VPS13A: variants seen among roughly 807,000 people sequenced by gnomAD.
VPS13A encodes the protein vacuolar protein sorting 13 homolog A.
Under a neutral mutation model 390.9 loss-of-function variants are expected in VPS13A, and 264 were observed. The ratio of observed to expected loss-of-function variants is 0.68; its 90% confidence interval spans 0.61 to 0.75. The LOEUF (loss-of-function observed/expected upper bound fraction) is 0.75, where lower values mean the gene tolerates loss of function less well. Among genes scored for constraint, VPS13A ranks in the 30% least tolerant of loss-of-function variants. The probability of loss-of-function intolerance (pLI) is 0.00; values close to 1 mark genes in which losing one functional copy is unlikely to be tolerated. For synonymous variants in VPS13A, 1,231 were observed against 1,227.1 expected, an observed-to-expected ratio of 1.00 and a Z score of -0.07; for missense variants, 3,409 against 3,733.9, an observed-to-expected ratio of 0.91 and a Z score of 2.27.
chr9:77,249,423 A>G (rs1825025304), intron 20 of VPS13A, among the ~76,000 whole-genome samples: 1 of 152,200 alleles, frequency 6.6e-6, no homozygotes, highest in Admixed American at 6.5e-5. Flanking sequence ...TTAACCTGTT[A>G]CCTAAAATTT....
At chr9:77,244,072 T>C (rs534669816) in intron 19 of VPS13A, among the ~76,000 whole-genome samples, 12 of 152,174 alleles carry the variant, frequency 7.9e-5, no homozygotes, top group Middle Eastern at 3.4e-3. Context: ...ACCTTGTCTC[T>C]ACAAAAAATT....
intron 23 of VPS13A, among the ~76,000 whole-genome samples, chr9:77,263,551 A>C (rs1199500053): frequency 1.3e-5 from 2 of 151,956 alleles, no homozygotes; most frequent in Non-Finnish European, 2.9e-5. Context: ...TTCTTTTGAG[A>C]AGTGTCTGTT....
chr9:77,291,559 C>G (rs1156938061), intron 31 of VPS13A, among the ~76,000 whole-genome samples: 1 of 152,066 alleles, frequency 6.6e-6, no homozygotes, highest in Admixed American at 6.6e-5. Context: ...TTTAGTTGTA[C>G]CTTGTGCTTA....
intron 71 of VPS13A, among the ~76,000 whole-genome samples, chr9:77,410,358 CCATCAAGGCTAGGAAGAAACTG>C (rs1460266883): frequency 6.6e-6 from 1 of 151,596 alleles, no homozygotes; most frequent in African/African-American, 2.4e-5. Context: ...ATTGTAAAGA[CCATCAAGGCTAGGAAGAAACTG>C]CATCAACTAA....
intron 1 of VPS13A, among the ~76,000 whole-genome samples, chr9:77,191,539 T>TC (rs1314732801): frequency 1.3e-5 from 2 of 151,946 alleles, no homozygotes; most frequent in African/African-American, 4.8e-5. Context: ...GCTCAAGTGA[T>TC]CCCCCCACCT....
In VPS13A at chr9:77,340,277, T is replaced by C. The variant is rs531375498; in HGVS notation, c.6874T>C (p.Tyr2292His). 2 of 1,612,920 alleles carry C rather than the reference T, an allele frequency of 1.2e-6. No homozygotes were observed. Among genetic ancestry groups the C allele is most frequent in the Non-Finnish European group, 1.7e-6 (2 of 1,179,324 alleles). The stretch of plus-strand genomic sequence containing the variant: ...TAAATGTAAAGGCCTGAAAATGGAC[T>C]ATCAAGTGAGTTCATTCTATGCTTA... ...AVKCKGLKMDYQVGVTIDLSS... is the reference protein window; with the variant it reads ...AVKCKGLKMDHQVGVTIDLSS... Residue 2292 changes from tyrosine (Y) to histidine (H), a missense_variant, in exon 49 of 72, where the codon TAT becomes CAT. By Grantham distance (83) the Tyr-to-His change is moderately conservative (BLOSUM62 2). Transcript: ENST00000360280.
intron 59 of VPS13A, among the ~76,000 whole-genome samples, chr9:77,362,863 T>C (rs1458232597): frequency 1.3e-5 from 2 of 152,194 alleles, no homozygotes; most frequent in Admixed American, 1.3e-4. Flanking sequence ...TATTATATTC[T>C]TCTTATAGTA....
At chr9:77,268,799 G>A (rs969575872) in intron 23 of VPS13A, among the ~76,000 whole-genome samples, 8 of 152,066 alleles carry the variant, frequency 5.3e-5, no homozygotes, top group Non-Finnish European at 1.2e-4. Flanking sequence ...AATTAGCCAG[G>A]CATGGTGGTG....
chr9:77,400,555 C>T (rs57520031), intron 68 of VPS13A, among the ~76,000 whole-genome samples: 2 of 151,634 alleles, frequency 1.3e-5, no homozygotes, highest in South Asian at 2.1e-4. Context: ...GGGCCGGGCG[C>T]GGTGGCTCAT....
chr9:77,334,963 T>C (rs1830465322), intron 46 of VPS13A, among the ~76,000 whole-genome samples: 1 of 152,148 alleles, frequency 6.6e-6, no homozygotes, highest in South Asian at 2.1e-4. Flanking sequence ...AAAAAGGACA[T>C]GCAGAAAAGT....
Position 77,358,432 on chromosome 9 carries a change from G to A in VPS13A, c.8029G>A (p.Asp2677Asn), listed in dbSNP as rs1234840531. ...PVKPPKSVTMDSAPKPFTDVS... is the reference protein window; with the variant it reads ...PVKPPKSVTMNSAPKPFTDVS... ...TAAACCTCCAAAGTCGGTCACCATG[G>A]ATTCAGGTTTGTTTTTATTTTTAGA... The change falls in exon 57 of 72, where the codon GAT (aspartate) becomes AAT (asparagine). Residue 2677 changes from aspartate to asparagine, a missense_variant. Asp to Asn is a conservative substitution (Grantham distance 23). This residue lies in a region of VPS13A where 221 missense variants were observed against 300.7 expected (regional missense o/e 0.73). Transcript: ENST00000360280. 2 of 1,612,304 alleles carry A rather than the reference G, an allele frequency of 1.2e-6. No homozygotes were observed. Among genetic ancestry groups the A allele is most frequent in the African/African-American group, 1.3e-5 (1 of 74,838 alleles).
chr9:77,260,614 C>T (rs1039121109), intron 23 of VPS13A, among the ~76,000 whole-genome samples: 1 of 152,028 alleles, frequency 6.6e-6, no homozygotes, highest in African/African-American at 2.4e-5. Flanking sequence ...CTCGGCCTCC[C>T]AAAGTGCTGG....
At chr9:77,258,703 T>C (rs73466054) in intron 22 of VPS13A, among the ~76,000 whole-genome samples, 1,940 of 152,218 alleles carry the variant, frequency 0.013, 44 homozygotes, top group African/African-American at 0.044. Flanking sequence ...CCAAATTATG[T>C]CTGCTGCTTG....
At chr9:77,391,090 T>A (rs1200775853) in intron 68 of VPS13A, among the ~76,000 whole-genome samples, 3 of 150,282 alleles carry the variant, frequency 2.0e-5, no homozygotes, top group Admixed American at 1.3e-4. Flanking sequence ...GCAGTAAGTA[T>A]TAGCTAGAAG....
chr9:77,334,228 A>G (rs1469832832), intron 46 of VPS13A, among the ~76,000 whole-genome samples: 1 of 152,170 alleles, frequency 6.6e-6, no homozygotes, highest in Non-Finnish European at 1.5e-5. Flanking sequence ...GGAAGATAAA[A>G]TTTGAAAGAT....
At chr9:77,222,494 T>C (rs548419770) in intron 13 of VPS13A, among the ~76,000 whole-genome samples, 1 of 152,312 alleles carries the variant, frequency 6.6e-6, no homozygotes, top group Non-Finnish European at 1.5e-5. Context: ...TAAGTGTATC[T>C]GGGTCTACTT....
At chr9:77,299,046 T>C (rs1430234931) in intron 33 of VPS13A, among the ~76,000 whole-genome samples, 1 of 152,196 alleles carries the variant, frequency 6.6e-6, no homozygotes, top group African/African-American at 2.4e-5. Flanking sequence ...TTTTTTCAGG[T>C]TTGTCAAAGA....
intron 68 of VPS13A, chr9:77,385,081 T>C: frequency 1.0e-6 from 1 of 995,966 alleles, no homozygotes; most frequent in Non-Finnish European, 1.2e-6. Flanking sequence ...AATGCCACTG[T>C]GTAAAAAAAA....
rs779830281 is a variant in VPS13A, at chr9:77,365,474, T to G, written c.8226T>G (p.His2742Gln). The part of the protein sequence containing the change: ...VTENTEVELF[H>Q]KDIEAFKEEY... ...TCCTTTTATAGGTTGAGCTTTTTCA[T>G]AAAGATATAGAAGCTTTCAAAGAAG... Residue 2742 changes from histidine (H) to glutamine (Q), a missense_variant, in exon 60 of 72, where the codon CAT (histidine) becomes CAG (glutamine). Transcript: ENST00000360280. 1 of 1,608,248 alleles carries G rather than the reference T, an allele frequency of 6.2e-7. No individual in the cohort carries two copies. Among genetic ancestry groups the G allele is most frequent in the Non-Finnish European group, 8.5e-7 (1 of 1,175,246 alleles).
Sources: allele counts gnomAD v4.1 joint callset (sites outside exome capture counted in the v4.1 genomes callset), GRCh38; gene constraint gnomAD v4.1.1; regional missense constraint gnomAD v4.1.1; transcripts MANE v1.5; gene names NCBI Gene and HGNC (gene_info 2026-07-23, HGNC 2026-07-21).